Variants in SLC26A5 observed in about 807,000 individuals in gnomAD.
SLC26A5 encodes solute carrier family 26 member 5.
In SLC26A5, 51 loss-of-function variants were observed where a neutral mutation model predicts 81.0. The observed-to-expected ratio is 0.63, with a 90% CI of 0.50 to 0.80. SLC26A5 has a LOEUF of 0.80. SLC26A5 is among the 30% of genes least tolerant of loss of function. SLC26A5 has a pLI of 0.00. For synonymous variants in SLC26A5, 325 were observed against 332.8 expected, an observed-to-expected ratio of 0.98 and a Z score of 0.25; for missense variants, 771 against 905.8, an observed-to-expected ratio of 0.85 and a Z score of 1.91.
At chr7:103,389,283 A>G (rs1822450518) in intron 13 of SLC26A5, 46 bp downstream of exon 13, 2 of 1,399,612 alleles carry the variant, frequency 1.4e-6, no homozygotes, top group Non-Finnish European at 2.0e-6. Flanking sequence ...CACTAATCAT[A>G]TCTGCTCTAT....
rs568477030 is a variant in SLC26A5 at position 103,358,343 on chromosome 7, C to T, written c.2042-5417G>A. Among the ~76,000 whole-genome samples the T allele has an allele frequency of 1.8e-3, 276 of 152,170 alleles. 2 individuals are homozygous for T. The highest frequency in any genetic ancestry group is 6.5e-3 in the African/African-American group (269 of 41,512). On this transcript the variant is annotated intron_variant, in intron 19 of 19. Coordinates refer to the SLC26A5 transcript ENST00000339444. Reference sequence around the variant, plus strand: ...TGTTGGTCTGTTTTCATCCATTGTCCTGGGCTCTCTTGTCCTTTAGTAAGG... The same window carrying T: ...TGTTGGTCTGTTTTCATCCATTGTCTTGGGCTCTCTTGTCCTTTAGTAAGG...
chr7:103,360,296 C>T (rs1164276604), intron 19 of SLC26A5, among the ~76,000 whole-genome samples: 2 of 152,022 alleles, frequency 1.3e-5, no homozygotes, highest in African/African-American at 4.8e-5. Flanking sequence ...TCTTCCTTTC[C>T]CCAGGGTTTG....
intron 19 of SLC26A5, among the ~76,000 whole-genome samples, chr7:103,356,170 A>C (rs1011538080): frequency 6.7e-6 from 1 of 150,280 alleles, no homozygotes; most frequent in African/African-American, 2.4e-5. Context: ...TTTTTTTTAG[A>C]TATAACTACA....
chr7:103,362,082 G>GA, intron 19 of SLC26A5: 1 of 1,612,766 alleles, frequency 6.2e-7, no homozygotes, highest in Non-Finnish European at 8.5e-7. Flanking sequence ...GAAGGGATGA[G>GA]AGTGGGGTAA....
chr7:103,420,922 C>T (rs751800330), intron 3 of SLC26A5, 45 bp from the exon 4 acceptor site: 15 of 1,566,476 alleles, frequency 9.6e-6, no homozygotes, highest in South Asian at 1.1e-5. Context: ...AAATGAGAAA[C>T]ATCTCTGTAG....
intron 7 of SLC26A5, among the ~76,000 whole-genome samples, chr7:103,408,520 C>T (rs1038429259): frequency 2.6e-5 from 4 of 152,156 alleles, no homozygotes; most frequent in Non-Finnish European, 5.9e-5. Context: ...AGCCACTGTG[C>T]CCAGCCTTAT....
rs755061115 is a variant in SLC26A5 at position 103,403,943 on chromosome 7, GAGGCTAAGGC to G, written c.888+3898_888+3907del. Among the ~76,000 whole-genome samples, 91 of 152,254 alleles carry G rather than the reference GAGGCTAAGGC, an allele frequency of 6.0e-4. 1 individual carries two copies. The highest frequency in any genetic ancestry group is 3.5e-3 in the Admixed American group (54 of 15,294). On this transcript the variant is annotated intron_variant, in intron 8 of 19. Coordinates refer to ENST00000306312, the MANE Select transcript of SLC26A5 (RefSeq NM_198999.3). ...CACGCCTGTAATCCCAGCACTTTGGGAGGCTAAGGCAGGCAGATCACCTGAGGTCAGGAGT... is the reference window on the plus strand; with the variant it reads ...CACGCCTGTAATCCCAGCACTTTGGGAGGCAGATCACCTGAGGTCAGGAGT...
chr7:103,360,893 C>G (rs1246758489), intron 19 of SLC26A5, among the ~76,000 whole-genome samples: 2 of 151,932 alleles, frequency 1.3e-5, no homozygotes, highest in Non-Finnish European at 2.9e-5. Context: ...AGGTGGATCA[C>G]TTGAGGTCGG....
intron 2 of SLC26A5, among the ~76,000 whole-genome samples, chr7:103,429,511 G>T (rs1825917998): frequency 6.6e-6 from 1 of 152,104 alleles, no homozygotes; most frequent in African/African-American, 2.4e-5. Flanking sequence ...TTAGAACCCA[G>T]AAAAAACATA....
At chr7:103,397,182 G>A (rs982550393) in intron 9 of SLC26A5, among the ~76,000 whole-genome samples, 5 of 150,918 alleles carry the variant, frequency 3.3e-5, no homozygotes, top group Admixed American at 1.3e-4. Flanking sequence ...TGAGGCGGGC[G>A]GATCACCTGA....
chr7:103,356,805 C>G (rs1820058979), intron 19 of SLC26A5, among the ~76,000 whole-genome samples: 1 of 152,040 alleles, frequency 6.6e-6, no homozygotes, highest in Admixed American at 6.6e-5. Flanking sequence ...TTCCATTATA[C>G]CTTTTGGGTG....
chr7:103,425,008 T>C (rs1825616091), intron 2 of SLC26A5, among the ~76,000 whole-genome samples: 1 of 152,224 alleles, frequency 6.6e-6, no homozygotes, highest in South Asian at 2.1e-4. Flanking sequence ...GTTTACACTG[T>C]AGCATAGCAG....
At chr7:103,369,378 G>A (rs1297632062), downstream of SLC26A5, 1 of 152,174 alleles carries the variant, frequency 6.6e-6, no homozygotes, top group Non-Finnish European at 1.5e-5. Flanking sequence ...TTAAATAAAT[G>A]TACACATTTA....
At chr7:103,355,772 A>T in intron 19 of SLC26A5, 1 of 1,613,852 alleles carries the variant, frequency 6.2e-7, no homozygotes, top group Non-Finnish European at 8.5e-7. Context: ...CTCCAGAGTG[A>T]ACAGCCTTTA....
At chr7:103,364,422 T>C (rs758007862) in intron 19 of SLC26A5, 7 of 1,208,820 alleles carry the variant, frequency 5.8e-6, no homozygotes, top group Non-Finnish European at 5.8e-6. Flanking sequence ...CTTTTTTCTT[T>C]TGTTGAGACA....
chr7:103,382,109 G>C (rs1821845308), intron 14 of SLC26A5, among the ~76,000 whole-genome samples: 1 of 152,144 alleles, frequency 6.6e-6, no homozygotes, highest in Non-Finnish European at 1.5e-5. Context: ...AGTTATGCCA[G>C]GGATATATGT....
rs1820516000 is a variant in SLC26A5, at chr7:103,363,227, T to C, written c.2042-10301A>G. On this transcript the variant is annotated intron_variant, in intron 19 of 19. Transcript: ENST00000339444. ...GGGCACTGGGCAATGTATTCAATTT[T>C]TATTAAAATTCTCACTTGTGAGTTT... is the stretch of plus-strand genomic sequence containing the variant. 3 of 772,994 alleles carry C rather than the reference T, an allele frequency of 3.9e-6. No individual in the cohort carries two copies. In the Admixed American group the frequency reaches 8.3e-5, roughly 21 times the overall value. 47.9% of individuals were successfully genotyped at this position (772,994 alleles called of 1,614,324 possible).
intron 2 of SLC26A5, among the ~76,000 whole-genome samples, chr7:103,428,603 C>T (rs1390009359): frequency 6.7e-6 from 1 of 148,400 alleles, no homozygotes; most frequent in Non-Finnish European, 1.5e-5. Flanking sequence ...GCTCTTGTTG[C>T]CCAGGCTGTA....
chr7:103,431,422 G>C (rs955824408), intron 2 of SLC26A5, among the ~76,000 whole-genome samples: 1 of 151,172 alleles, frequency 6.6e-6, no homozygotes, highest in Non-Finnish European at 1.5e-5. Context: ...TCCTGCACTC[G>C]AGCTGTTCTC....
Sources: gnomAD v4.1 joint callset for allele counts (sites outside exome capture counted in the v4.1 genomes callset) on GRCh38, gnomAD v4.1.1 for gene constraint, MANE v1.5 for transcripts, NCBI Gene and HGNC (gene_info 2026-07-23, HGNC 2026-07-21) for gene names.